Variants in MTUS2 observed in about 807,000 individuals in gnomAD.
The protein encoded by MTUS2 is microtubule-associated tumor suppressor candidate 2.
Under a neutral mutation model 114.1 loss-of-function variants are expected in MTUS2, and 40 were observed. The observed-to-expected ratio is 0.35, with a 90% CI of 0.27 to 0.46. The LOEUF (loss-of-function observed/expected upper bound fraction) is 0.46. MTUS2 is among the 20% of genes least tolerant of loss of function. The pLI is 1.00. For synonymous variants in MTUS2, 688 were observed against 672.0 expected, an observed-to-expected ratio of 1.02 and a Z score of -0.37; for missense variants, 1,679 against 1,705.4, an observed-to-expected ratio of 0.98 and a Z score of 0.27.
At chr13:29,108,956 CAAATATTTGA>C (rs1890776920) in intron 5 of MTUS2, among the ~76,000 whole-genome samples, 1 of 152,050 alleles carries the variant, frequency 6.6e-6, no homozygotes, top group Non-Finnish European at 1.5e-5. Flanking sequence ...AAAAGATTGA[CAAATATTTGA>C]AAATATTTGA....
At chr13:28,925,958 C>G (rs968826064) in intron 2 of MTUS2, among the ~76,000 whole-genome samples, 2 of 152,212 alleles carry the variant, frequency 1.3e-5, no homozygotes, top group African/African-American at 4.8e-5. Flanking sequence ...TCACCAGGGT[C>G]TTGAATACCC....
chr13:28,911,173 C>CTT (rs35468877), intron 2 of MTUS2, among the ~76,000 whole-genome samples: 6 of 79,634 alleles, frequency 7.5e-5, no homozygotes, highest in African/African-American at 1.2e-4. Flanking sequence ...CTGCGCCCTG[C>CTT]TTTTTTTTTT....
intron 9 of MTUS2, among the ~76,000 whole-genome samples, chr13:29,442,731 A>C (rs1285531665): frequency 6.6e-6 from 1 of 152,216 alleles, no homozygotes; most frequent in Admixed American, 6.5e-5. Flanking sequence ...GTGCCTCAGC[A>C]CACAGTTTGC....
At chr13:29,019,668 G>C (rs1886214591) in intron 2 of MTUS2, among the ~76,000 whole-genome samples, 1 of 152,246 alleles carries the variant, frequency 6.6e-6, no homozygotes, top group Non-Finnish European at 1.5e-5. Context: ...TGTGGAACTA[G>C]AGGGTGATTT....
At chr13:29,474,103 G>A (rs1880520303) in intron 9 of MTUS2, among the ~76,000 whole-genome samples, 1 of 152,236 alleles carries the variant, frequency 6.6e-6, no homozygotes, top group African/African-American at 2.4e-5. Flanking sequence ...TTGGAAGAAT[G>A]TAAGCATCAC....
At chr13:28,891,858 CAAAAAA>C (rs1169875500) in intron 2 of MTUS2, among the ~76,000 whole-genome samples, 6 of 52,182 alleles carry the variant, frequency 1.1e-4, no homozygotes, top group Non-Finnish European at 1.9e-4. Context: ...GACTCTGTCT[CAAAAAA>C]AAAAAAAAAA....
At chr13:29,424,764 A>C (rs1876378862) in intron 8 of MTUS2, among the ~76,000 whole-genome samples, 1 of 152,214 alleles carries the variant, frequency 6.6e-6, no homozygotes, top group Non-Finnish European at 1.5e-5. Context: ...ACAAAGAGGC[A>C]AATCCAGCAT....
chr13:29,234,716 A>C (rs1593201335), intron 5 of MTUS2, among the ~76,000 whole-genome samples: 1 of 48,336 alleles, frequency 2.1e-5, no homozygotes, highest in South Asian at 8.2e-4. Context: ...ACTATGTAAT[A>C]GTATAGCATT....
At chr13:29,366,385 C>T (rs968021127) in intron 8 of MTUS2, among the ~76,000 whole-genome samples, 5 of 152,136 alleles carry the variant, frequency 3.3e-5, no homozygotes, top group Non-Finnish European at 7.3e-5. Flanking sequence ...AGTTACCTCC[C>T]ACCAGGTCCC....
At chr13:28,908,119 A>T (rs1463736923) in intron 2 of MTUS2, among the ~76,000 whole-genome samples, 1 of 151,416 alleles carries the variant, frequency 6.6e-6, no homozygotes, top group African/African-American at 2.4e-5. Flanking sequence ...CAAATTTGGG[A>T]TATTTTCAGC....
intron 5 of MTUS2, among the ~76,000 whole-genome samples, chr13:29,238,299 A>T (rs1566084453): frequency 1.3e-5 from 2 of 152,230 alleles, no homozygotes; most frequent in Admixed American, 6.5e-5. Context: ...AATAGGATAG[A>T]TGTATAATAT....
chr13:29,156,631 A>G (rs1186189574), intron 5 of MTUS2, among the ~76,000 whole-genome samples: 1 of 152,126 alleles, frequency 6.6e-6, no homozygotes, highest in Admixed American at 6.5e-5. Context: ...GTGGCAACGT[A>G]TCCCCTGCCT....
chr13:29,034,669 A>C (rs1886982419), intron 4 of MTUS2, among the ~76,000 whole-genome samples: 1 of 152,230 alleles, frequency 6.6e-6, no homozygotes, highest in Non-Finnish European at 1.5e-5. Context: ...AAGCAAGGAC[A>C]TGAGAAGTTT....
chr13:28,898,115 T>C (rs528379508), intron 2 of MTUS2, among the ~76,000 whole-genome samples: 196 of 152,216 alleles, frequency 1.3e-3, no homozygotes, highest in African/African-American at 4.5e-3. Flanking sequence ...ATGTGTTTGA[T>C]GCAGGAACAG....
rs534358002 is a variant in MTUS2 at position 28,908,299 on chromosome 13, A to T, written c.-243+68449A>T. ...AACGCTATCCCTTCCACCTCCCCCA[A>T]CCCCACAACAGGCCCCGGTGGGTGA... On this transcript the variant is annotated intron_variant, in intron 2 of 15. Coordinates refer to ENST00000612955, the MANE Select transcript of MTUS2 (RefSeq NM_001033602.4). 2.5e-4 allele frequency among the ~76,000 whole-genome samples: 37 copies of T among 150,476 alleles called. 1 individual carries two copies. The highest frequency in any genetic ancestry group is 9.1e-4 in the African/African-American group (37 of 40,722).
At chr13:28,864,565 C>A (rs1164506118) in intron 2 of MTUS2, among the ~76,000 whole-genome samples, 1 of 152,022 alleles carries the variant, frequency 6.6e-6, no homozygotes, top group African/African-American at 2.4e-5. Context: ...ATTTAAAAAC[C>A]CTATGATGAT....
At chr13:28,854,210 A>G (rs1196396068) in intron 2 of MTUS2, among the ~76,000 whole-genome samples, 1 of 152,236 alleles carries the variant, frequency 6.6e-6, no homozygotes, top group Non-Finnish European at 1.5e-5. Flanking sequence ...ATTTGTATGC[A>G]CATTACAGTC....
At chr13:29,072,746 C>A (rs1458252585) in intron 4 of MTUS2, among the ~76,000 whole-genome samples, 3 of 152,158 alleles carry the variant, frequency 2.0e-5, no homozygotes, top group Non-Finnish European at 4.4e-5. Context: ...GGGGCTTTAG[C>A]AATCCATATT....
intron 2 of MTUS2, among the ~76,000 whole-genome samples, chr13:29,000,478 T>C (rs1030021353): frequency 6.6e-6 from 1 of 152,146 alleles, no homozygotes; most frequent in East Asian, 1.9e-4. Context: ...TTTTCCTGCC[T>C]GAGCCTCCCA....
Sources: allele counts gnomAD v4.1 joint callset (sites outside exome capture counted in the v4.1 genomes callset), GRCh38; gene constraint gnomAD v4.1.1; transcripts MANE v1.5; gene names NCBI Gene and HGNC (gene_info 2026-07-23, HGNC 2026-07-21).